The following RBM6 variants were observed in gnomAD, a reference collection of about 807,000 sequenced individuals.
RBM6 encodes the protein RNA-binding protein 6.
Under a neutral mutation model 140.4 loss-of-function variants are expected in RBM6, and 23 were observed. The ratio of observed to expected loss-of-function variants is 0.16; its 90% CI spans 0.12 to 0.23. RBM6 has a LOEUF of 0.23. Among genes scored for constraint, RBM6 ranks in the 10% least tolerant of loss-of-function variants. The pLI is 1.00. For missense variants in RBM6, 1,139 were observed against 1,386.7 expected (o/e 0.82, Z 2.84); for synonymous variants, 439 against 475.6 (o/e 0.92, Z 1.00).
Position 50,061,201 on chromosome 3 carries a change from C to T in RBM6, c.2333C>T (p.Thr778Ile). The change falls in exon 13 of 21, where the codon ACA (threonine) becomes ATA (isoleucine). Residue 778 changes from threonine to isoleucine, a missense_variant. Thr to Ile is a moderately conservative substitution (Grantham distance 89, BLOSUM62 -1). Around this residue, in one of 9 missense-constraint regions of RBM6, gnomAD observed 163 missense variants for 182.8 expected, o/e 0.89. Coordinates refer to ENST00000266022, the MANE Select transcript of RBM6 (RefSeq NM_005777.3). ...GGRNSDWSSDTNRQGQQSSSD... is the reference protein window; with the variant it reads ...GGRNSDWSSDINRQGQQSSSD... Reference sequence around the variant, plus strand: ...AGAAATTCAGACTGGTCTTCAGATACAAATCGACAAGGACAACAGTGTAAG... The same window carrying T: ...AGAAATTCAGACTGGTCTTCAGATATAAATCGACAAGGACAACAGTGTAAG... 2.5e-6 allele frequency: 4 copies of T among 1,614,168 alleles called. No individual in the cohort carries two copies. The highest frequency in any genetic ancestry group is 3.4e-6 in the Non-Finnish European group (4 of 1,180,030).
chr3:49,955,840 C>CTG (rs1237153897), intron 1 of RBM6, among the ~76,000 whole-genome samples: 4 of 140,358 alleles, frequency 2.8e-5, no homozygotes, highest in Non-Finnish European at 3.2e-5. Context: ...CTCTCTCTCT[C>CTG]TGTGTCTCTC....
At position 49,982,187 on chromosome 3, in the gene RBM6, G is replaced by C. The variant is rs1244852307; in HGVS notation, c.1483+6795G>C. On this transcript the variant is annotated intron_variant, in intron 5 of 20. Coordinates refer to ENST00000266022, the MANE Select transcript of RBM6 (RefSeq NM_005777.3). ...AATGACTAGGTCAGTCACTTGGTCT[G>C]TTGCCTGGCATTTTGGGTCTACTGA... 5.4e-5 allele frequency among the ~76,000 whole-genome samples: 8 copies of C among 149,502 alleles called. No homozygotes were observed. In the South Asian group the frequency reaches 1.7e-3, roughly 31 times the overall value.
intron 6 of RBM6, among the ~76,000 whole-genome samples, chr3:50,023,386 A>G (rs1358447409): frequency 6.6e-6 from 1 of 151,814 alleles, no homozygotes; most frequent in African/African-American, 2.4e-5. Context: ...GCTGACTGCA[A>G]CCTCCGCCTC....
chr3:50,044,561 G>A (rs971859365), intron 6 of RBM6, among the ~76,000 whole-genome samples: 2 of 149,644 alleles, frequency 1.3e-5, no homozygotes, highest in South Asian at 2.1e-4. Context: ...CCAGCCTGGC[G>A]ACAGAGCGAG....
intron 19 of RBM6, among the ~76,000 whole-genome samples, chr3:50,074,003 G>T (rs1273334201): frequency 6.6e-6 from 1 of 151,818 alleles, no homozygotes; most frequent in Non-Finnish European, 1.5e-5. Flanking sequence ...GCTAATGTTT[G>T]TATTTTTAGT....
chr3:49,946,612 T>A (rs745681394), intron 1 of RBM6, among the ~76,000 whole-genome samples: 5 of 152,084 alleles, frequency 3.3e-5, no homozygotes, highest in African/African-American at 4.8e-5. Flanking sequence ...CTCGGCTCAC[T>A]GCAACCTCTG....
chr3:50,064,394 G>T (rs769853867), intron 15 of RBM6, among the ~76,000 whole-genome samples: 50 of 152,168 alleles, frequency 3.3e-4, no homozygotes, highest in Non-Finnish European at 5.9e-4. Flanking sequence ...GTAAAATTAA[G>T]ATAGTAAAGC....
intron 17 of RBM6, among the ~76,000 whole-genome samples, chr3:50,067,186 CAAAAAAAAAAAA>C (rs751552449): frequency 4.6e-4 from 9 of 19,556 alleles, no homozygotes; most frequent in African/African-American, 1.4e-3. Flanking sequence ...GACTCTATCT[CAAAAAAAAAAAA>C]AAAAAAAAAA....
In RBM6 at chr3:50,057,780, C is replaced by G; in HGVS notation, c.1746C>G (p.Ser582=). 6.2e-7 allele frequency: 1 copy of G among 1,613,422 alleles called. No homozygotes were observed. Residue 582 remains serine, a synonymous_variant, in exon 9 of 21, where the codon TCC becomes TCG. Coordinates refer to ENST00000266022, the MANE Select transcript of RBM6 (RefSeq NM_005777.3). The part of the protein sequence containing the change: ...LITYPQPQKT[S]IPAPLEKQPN... ...CCTACCCTCAGCCTCAGAAAACATC[C>G]ATACCAGCACCATTGGAAAAACAGC...
At chr3:49,973,839 G>T (rs1241468160) in intron 4 of RBM6, among the ~76,000 whole-genome samples, 1 of 151,768 alleles carries the variant, frequency 6.6e-6, no homozygotes. Flanking sequence ...ACCCGCCTCG[G>T]CCTCTCAAAG....
intron 6 of RBM6, among the ~76,000 whole-genome samples, chr3:50,047,478 G>GGC (rs1227722005): frequency 6.6e-6 from 1 of 152,166 alleles, no homozygotes; most frequent in Non-Finnish European, 1.5e-5. Flanking sequence ...AAAATGGAGA[G>GGC]GCAAGGGAGC....
In RBM6 at chr3:50,012,806, A is replaced by G. The variant is rs375950609; in HGVS notation, c.1557+13293A>G. Among the ~76,000 whole-genome samples the G allele has an allele frequency of 1.3e-4, 18 of 137,114 alleles. No homozygotes were observed. The East Asian group carries it at 2.6e-3, about 20-fold the overall frequency. The allele number at this position is 137,114 out of a possible 152,430, so 90.0% of individuals were successfully genotyped here. A position where few individuals can be genotyped will look rare whatever the true frequency, so the allele number is the denominator to read the frequency against. On this transcript the variant is annotated intron_variant, in intron 6 of 20. Coordinates refer to ENST00000266022, the MANE Select transcript of RBM6 (RefSeq NM_005777.3). ...TTCCCAGGCTGGAGTGCAATGGCGC[A>G]ATCTCGGCTCACCACAACCTCCCCG... is the stretch of plus-strand genomic sequence containing the variant.
At chr3:49,992,446 T>A (rs914254034) in intron 5 of RBM6, among the ~76,000 whole-genome samples, 5 of 152,352 alleles carry the variant, frequency 3.3e-5, no homozygotes, top group Middle Eastern at 6.8e-3. Flanking sequence ...GCTGCTAAAG[T>A]ACTGGGACAT....
chr3:49,980,762 A>T (rs1239363375), intron 5 of RBM6, among the ~76,000 whole-genome samples: 2 of 56,088 alleles, frequency 3.6e-5, no homozygotes, highest in African/African-American at 1.1e-4. Flanking sequence ...AATTCATCTT[A>T]AAAAAAAAAA....
chr3:50,068,332 G>A (rs529288344), intron 17 of RBM6, among the ~76,000 whole-genome samples: 6 of 152,312 alleles, frequency 3.9e-5, no homozygotes, highest in Admixed American at 3.3e-4. Context: ...TCTGGGGGCT[G>A]AAAGAGTGAC....
At chr3:49,982,840 A>G (rs2085375156) in intron 5 of RBM6, among the ~76,000 whole-genome samples, 2 of 151,332 alleles carry the variant, frequency 1.3e-5, no homozygotes, top group Admixed American at 6.6e-5. Context: ...CAGCCTCCCT[A>G]GTAGCTGGGA....
At chr3:50,030,932 G>A (rs1421631420) in intron 6 of RBM6, among the ~76,000 whole-genome samples, 1 of 152,144 alleles carries the variant, frequency 6.6e-6, no homozygotes, top group Non-Finnish European at 1.5e-5. Context: ...GGGGCTGGGG[G>A]GAAGGTGGGA....
intron 20 of RBM6, among the ~76,000 whole-genome samples, chr3:50,076,756 G>A (rs2090472986): frequency 6.6e-6 from 1 of 151,882 alleles, no homozygotes; most frequent in South Asian, 2.1e-4. Flanking sequence ...CGTGGTGGCA[G>A]GCGCCTGTAG....
chr3:49,984,639 TCGCATCGCATC>T (rs1559552911), intron 5 of RBM6, among the ~76,000 whole-genome samples: 18 of 79,498 alleles, frequency 2.3e-4, no homozygotes, highest in African/African-American at 6.5e-4. Flanking sequence ...TCGCATCGCA[TCGCATCGCATC>T]GCATCGCATC....
Sources: gnomAD v4.1 joint callset for allele counts (sites outside exome capture counted in the v4.1 genomes callset) on GRCh38, gnomAD v4.1.1 for gene constraint, gnomAD v4.1.1 regional missense constraint, MANE v1.5 for transcripts, NCBI Gene and HGNC (gene_info 2026-07-23, HGNC 2026-07-21) for gene names.